SLC38A1: variants seen among roughly 807,000 people sequenced by gnomAD.
SLC38A1 encodes the protein sodium-coupled neutral amino acid symporter 1.
Under a neutral mutation model 60.3 loss-of-function variants are expected in SLC38A1, and 18 were observed. The observed-to-expected ratio is 0.30, with a 90% CI of 0.21 to 0.44. The LOEUF is 0.44. Among genes scored for constraint, SLC38A1 ranks in the 20% least tolerant of loss-of-function variants. SLC38A1 has a pLI of 1.00. For missense variants in SLC38A1, 448 were observed against 587.2 expected (o/e 0.76, Z 2.45); for synonymous variants, 196 against 212.1 (o/e 0.92, Z 0.66).
rs772317273 is a variant in SLC38A1 at position 46,206,080 on chromosome 12, C to T, written c.646G>A (p.Gly216Arg). 1.9e-6 allele frequency: 3 copies of T among 1,604,832 alleles called. No individual in the cohort carries two copies. The highest frequency in any genetic ancestry group is 2.6e-6 in the Non-Finnish European group (3 of 1,173,532). The change falls in exon 9 of 17, where the codon GGG (glycine) becomes AGG (arginine). Residue 216 changes from glycine to arginine, a missense_variant and splice_region_variant. Physicochemically the swap from Gly to Arg is moderately radical, Grantham distance 125. Around this residue, in one of 2 missense-constraint regions of SLC38A1, gnomAD observed 346 missense variants for 497.5 expected, o/e 0.70. Coordinates refer to ENST00000398637, the MANE Select transcript of SLC38A1 (RefSeq NM_030674.4). ...TGATAAAAGCAAAATCTGTCCTTAC[C>T]TAAGTTCTTCAAGAGACACAGAGGG... is the stretch of plus-strand genomic sequence containing the variant. ...ILPLCLLKNL[G>R]YLGYTSGFSL...
At chr12:46,256,636 C>CACACAGAGAGAGAG (rs142176282) in intron 1 of SLC38A1, among the ~76,000 whole-genome samples, 1 of 123,204 alleles carries the variant, frequency 8.1e-6, no homozygotes, top group African/African-American at 3.4e-5. Context: ...CACACACACA[C>CACACAGAGAGAGAG]AGAGAGAGAG....
At chr12:46,196,065 T>C (rs1565749497) in intron 16 of SLC38A1, 2 of 1,358,808 alleles carry the variant, frequency 1.5e-6, no homozygotes, top group East Asian at 2.5e-5. Context: ...ACCAGAGCTG[T>C]TCCTATTTGG....
intron 5 of SLC38A1, among the ~76,000 whole-genome samples, chr12:46,214,796 A>G (rs1940329059): frequency 1.3e-5 from 2 of 152,192 alleles, no homozygotes; most frequent in Admixed American, 1.3e-4. Flanking sequence ...CTCCCAACAC[A>G]GCATCAGAAC....
At chr12:46,228,461 C>G (rs913671902) in intron 5 of SLC38A1, among the ~76,000 whole-genome samples, 39 of 152,262 alleles carry the variant, frequency 2.6e-4, no homozygotes, top group African/African-American at 8.9e-4. Context: ...CGGAGAAGTG[C>G]TTTCTCCCTC....
At chr12:46,246,542 G>A (rs1415472074) in intron 1 of SLC38A1, among the ~76,000 whole-genome samples, 5 of 152,370 alleles carry the variant, frequency 3.3e-5, no homozygotes, top group Admixed American at 6.5e-5. Flanking sequence ...AGCGGAGCAA[G>A]GCTTGCTGTC....
rs1938855784 is a variant in SLC38A1, at chr12:46,184,051, T to C, written c.*4919A>G. ...TTTCCTGCAATAAGCCTCAGCTGCA[T>C]AGATTCTTCCTTTAAAAACGTAAAT... On this transcript the variant is annotated 3_prime_UTR_variant, in exon 17 of 17. Transcript: ENST00000398637. 6.6e-6 allele frequency: 1 copy of C among 152,662 alleles called. No individual in the cohort carries two copies. The highest frequency in any genetic ancestry group is 2.1e-4 in the South Asian group (1 of 4,832). The allele number at this position is 152,662 out of a possible 1,614,324, so 9.5% of individuals were successfully genotyped here.
intron 3 of SLC38A1, among the ~76,000 whole-genome samples, chr12:46,238,165 C>T (rs549622162): frequency 6.6e-6 from 1 of 151,760 alleles, no homozygotes; most frequent in African/African-American, 2.4e-5. Flanking sequence ...ATGTAAAATA[C>T]CTGGCACTCA....
chr12:46,232,276 A>G (rs989787051), intron 3 of SLC38A1, among the ~76,000 whole-genome samples: 1 of 152,254 alleles, frequency 6.6e-6, no homozygotes, highest in African/African-American at 2.4e-5. Flanking sequence ...ACACCAGTAT[A>G]GGAACGTCAG....
intron 16 of SLC38A1, among the ~76,000 whole-genome samples, chr12:46,190,057 A>C: frequency 6.6e-6 from 1 of 152,050 alleles, no homozygotes; most frequent in East Asian, 1.9e-4. Context: ...AATTTATATT[A>C]GGTATTTCTC....
chr12:46,225,501 T>C (rs892388477), intron 5 of SLC38A1, among the ~76,000 whole-genome samples: 10 of 152,160 alleles, frequency 6.6e-5, no homozygotes, highest in Non-Finnish European at 1.3e-4. Flanking sequence ...ATTCCAGCCC[T>C]TTCCCCCTAC....
intron 3 of SLC38A1, among the ~76,000 whole-genome samples, chr12:46,236,102 C>A (rs1450986466): frequency 2.0e-5 from 3 of 152,186 alleles, no homozygotes. Flanking sequence ...GTGCCAAGTA[C>A]TTTACATGAA....
Position 46,183,984 on chromosome 12 carries a change from C to T in SLC38A1, c.*4986G>A, listed in dbSNP as rs1938853851. 1 of 152,564 alleles carries T rather than the reference C, an allele frequency of 6.6e-6. No homozygotes were observed. Among genetic ancestry groups the T allele is most frequent in the Admixed American group, 6.6e-5 (1 of 15,258 alleles). 9.5% of individuals were successfully genotyped at this position (152,564 alleles called of 1,614,324 possible). A position where few individuals can be genotyped will look rare whatever the true frequency, so the allele number is the denominator to read the frequency against. On this transcript the variant is annotated 3_prime_UTR_variant, in exon 17 of 17. Coordinates refer to ENST00000398637, the MANE Select transcript of SLC38A1 (RefSeq NM_030674.4). Reference sequence around the variant, plus strand: ...GATCAACAACTTCAAAAATATACAGCCTCCTATTTATTTACAATAATATTT... The same window carrying T: ...GATCAACAACTTCAAAAATATACAGTCTCCTATTTATTTACAATAATATTT...
intron 1 of SLC38A1, among the ~76,000 whole-genome samples, chr12:46,248,880 G>C (rs1335438148): frequency 6.6e-6 from 1 of 152,118 alleles, no homozygotes; most frequent in Non-Finnish European, 1.5e-5. Context: ...CTCAAGGCCA[G>C]GTGCGATGGC....
At chr12:46,226,129 T>C (rs774317265) in intron 5 of SLC38A1, among the ~76,000 whole-genome samples, 2 of 152,178 alleles carry the variant, frequency 1.3e-5, no homozygotes, top group Non-Finnish European at 2.9e-5. Context: ...AGAGTCCTTA[T>C]GTTTTAGAGA....
chr12:46,231,200 T>C (rs557192418), intron 3 of SLC38A1, among the ~76,000 whole-genome samples: 5 of 152,072 alleles, frequency 3.3e-5, no homozygotes, highest in East Asian at 1.9e-4. Flanking sequence ...AAACAGAACA[T>C]CAAAACCTGA....
chr12:46,209,457 T>A (rs1392241476), intron 5 of SLC38A1, among the ~76,000 whole-genome samples: 1 of 152,062 alleles, frequency 6.6e-6, no homozygotes, highest in South Asian at 2.1e-4. Flanking sequence ...CTCTGTTACA[T>A]CCGGGTGAGA....
Position 46,239,859 on chromosome 12 carries a change from T to A in SLC38A1, c.-59A>T, listed in dbSNP as rs1250721491. ...CAAATTTCTCCTGTTCTGAGTGTAT[T>A]TAGAAGTAGATACCAAAATGGAAGC... On this transcript the variant is annotated 5_prime_UTR_variant, in exon 3 of 17. Transcript: ENST00000398637. 9 of 1,581,230 alleles carry A rather than the reference T, an allele frequency of 5.7e-6. No homozygotes were observed. In the South Asian group the frequency reaches 1.0e-4, roughly 18 times the overall value.
At chr12:46,198,165 G>A (rs1939474532) in intron 14 of SLC38A1, 105 bp from the exon 15 acceptor site, 3 of 1,208,240 alleles carry the variant, frequency 2.5e-6, no homozygotes, top group East Asian at 5.0e-5. Flanking sequence ...TTCATGAAAT[G>A]TTTTGTAATG....
At chr12:46,210,744 CTT>C (rs1209218660) in intron 5 of SLC38A1, among the ~76,000 whole-genome samples, 12 of 152,302 alleles carry the variant, frequency 7.9e-5, no homozygotes, top group African/African-American at 2.9e-4. Flanking sequence ...TCAATTCTCT[CTT>C]GTCTGCGGGC....
Sources: gnomAD v4.1 joint callset for allele counts (sites outside exome capture counted in the v4.1 genomes callset) on GRCh38, gnomAD v4.1.1 for gene constraint, gnomAD v4.1.1 regional missense constraint, MANE v1.5 for transcripts, NCBI Gene and HGNC (gene_info 2026-07-23, HGNC 2026-07-21) for gene names.